The following MYCT1 variants were observed in gnomAD, a reference collection of about 807,000 sequenced individuals.
The protein encoded by MYCT1 is MYC target 1, also known as myc target protein 1.
MYCT1 carries 12 observed loss-of-function variants against 15.0 expected under a neutral mutation model. The ratio of observed to expected loss-of-function variants is 0.80; its 90% CI spans 0.51 to 1.29. The LOEUF (loss-of-function observed/expected upper bound fraction) is 1.29, where lower values mean the gene tolerates loss of function less well. MYCT1 is among the 50% of genes most tolerant of loss of function. MYCT1 has a pLI of 0.00. For synonymous variants in MYCT1, 104 were observed against 102.7 expected (o/e 1.01, Z -0.07); for missense variants, 287 against 279.1 (o/e 1.03, Z -0.20).
At chr6:152,707,063 A>C (rs2099722411) in intron 1 of MYCT1, among the ~76,000 whole-genome samples, 2 of 151,970 alleles carry the variant, frequency 1.3e-5, no homozygotes, top group South Asian at 4.1e-4. Flanking sequence ...TTCTATTTTT[A>C]ATTTTTGAGG....
chr6:152,730,977 A>C, the MYCT1 span, among the ~76,000 whole-genome samples: 1 of 152,234 alleles, frequency 6.6e-6, no homozygotes, highest in Non-Finnish European at 1.5e-5. Flanking sequence ...CAGGTTATAC[A>C]ACAAATGGTA....
chr6:152,744,317 C>G, the MYCT1 span, among the ~76,000 whole-genome samples: 1 of 152,164 alleles, frequency 6.6e-6, no homozygotes, highest in African/African-American at 2.4e-5. Flanking sequence ...AAGAGTTCTT[C>G]CAACTCAAAT....
At chr6:152,744,395 G>C in the MYCT1 span, among the ~76,000 whole-genome samples, 2 of 151,994 alleles carry the variant, frequency 1.3e-5, no homozygotes, top group Non-Finnish European at 2.9e-5. Context: ...TTAAATATTG[G>C]GTGTGGGAAT....
chr6:152,713,414 T>C (rs1300143456), intron 1 of MYCT1, among the ~76,000 whole-genome samples: 1 of 152,154 alleles, frequency 6.6e-6, no homozygotes, highest in Non-Finnish European at 1.5e-5. Flanking sequence ...TCTTTTCTCT[T>C]AAGAATGGAT....
At chr6:152,707,511 C>G (rs2099722495) in intron 1 of MYCT1, among the ~76,000 whole-genome samples, 1 of 151,972 alleles carries the variant, frequency 6.6e-6, no homozygotes, top group Admixed American at 6.6e-5. Context: ...TAGTTTGACA[C>G]AATTCTACTT....
the MYCT1 span, among the ~76,000 whole-genome samples, chr6:152,741,947 T>C: frequency 5.3e-5 from 8 of 152,310 alleles, no homozygotes; most frequent in African/African-American, 1.7e-4. Context: ...GTATTGAACA[T>C]TGGACCCAAA....
chr6:152,705,259 C>G (rs1011070600), intron 1 of MYCT1, among the ~76,000 whole-genome samples: 2 of 152,120 alleles, frequency 1.3e-5, no homozygotes, highest in African/African-American at 4.8e-5. Context: ...TACAGTTGAG[C>G]AAAATCATCT....
the MYCT1 span, among the ~76,000 whole-genome samples, chr6:152,733,362 CA>C: frequency 6.6e-6 from 1 of 151,966 alleles, no homozygotes; most frequent in African/African-American, 2.4e-5. Flanking sequence ...CTTGGCCTCC[CA>C]AAATGCTGGG....
At chr6:152,705,391 T>G (rs531291412) in intron 1 of MYCT1, among the ~76,000 whole-genome samples, 12 of 152,292 alleles carry the variant, frequency 7.9e-5, no homozygotes, top group African/African-American at 2.4e-4. Context: ...ACTGAATGCT[T>G]ATGGCTTTTG....
chr6:152,726,061 A>G (rs2099725595), downstream of MYCT1, among the ~76,000 whole-genome samples: 1 of 152,116 alleles, frequency 6.6e-6, no homozygotes, highest in Non-Finnish European at 1.5e-5. Context: ...ATATCTTTTT[A>G]CAATGTTACA....
chr6:152,717,491 T>C (rs2099723895), intron 1 of MYCT1, among the ~76,000 whole-genome samples: 2 of 152,088 alleles, frequency 1.3e-5, no homozygotes, highest in South Asian at 4.1e-4. Context: ...AATTGAATCA[T>C]GGGGGCAGGA....
At chr6:152,746,122 A>G in the MYCT1 span, among the ~76,000 whole-genome samples, 1 of 152,218 alleles carries the variant, frequency 6.6e-6, no homozygotes, top group Non-Finnish European at 1.5e-5. Flanking sequence ...TCTTCATTCT[A>G]ACATCTAGAC....
chr6:152,703,945 A>T (rs1385315431), intron 1 of MYCT1, among the ~76,000 whole-genome samples: 1 of 30,562 alleles, frequency 3.3e-5, no homozygotes, highest in Non-Finnish European at 1.2e-4. Context: ...CCTGTTTTTT[A>T]TTTTATTTTA....
In MYCT1 at chr6:152,722,379, G is replaced by T. The variant is rs751023222; in HGVS notation, c.*126G>T. The T allele has an allele frequency of 5.5e-6, 5 of 905,014 alleles. No homozygotes were observed. In the East Asian group the frequency reaches 1.3e-4, roughly 23 times the overall value. 56.1% of individuals were successfully genotyped at this position (905,014 alleles called of 1,614,324 possible). On this transcript the variant is annotated 3_prime_UTR_variant, in exon 2 of 2. Transcript: ENST00000367245. ...CTCATGAGTTCCAAGTTGAAACATG[G>T]TTGTGCAAGTTGGACATTACAATGT...
intron 1 of MYCT1, among the ~76,000 whole-genome samples, chr6:152,701,404 G>A (rs1244925820): frequency 6.6e-6 from 1 of 152,206 alleles, no homozygotes; most frequent in Non-Finnish European, 1.5e-5. Flanking sequence ...GTGTGTGGTC[G>A]TTTCAGGGAC....
At chr6:152,728,836 G>A (rs947234697), downstream of MYCT1, among the ~76,000 whole-genome samples, 2 of 152,174 alleles carry the variant, frequency 1.3e-5, no homozygotes, top group African/African-American at 4.8e-5. Flanking sequence ...AGCCCAGGGG[G>A]TTGAGGCTTC....
At chr6:152,729,366 G>A (rs1407544106), downstream of MYCT1, among the ~76,000 whole-genome samples, 3 of 151,464 alleles carry the variant, frequency 2.0e-5, no homozygotes, top group African/African-American at 7.3e-5. Context: ...TATAAGCCCT[G>A]CTATTTTTAG....
At chr6:152,739,892 G>T in the MYCT1 span, among the ~76,000 whole-genome samples, 1 of 151,798 alleles carries the variant, frequency 6.6e-6, no homozygotes, top group African/African-American at 2.4e-5. Context: ...AATCCAATTG[G>T]CTGTTCATTT....
chr6:152,746,858 ACT>A, the MYCT1 span, among the ~76,000 whole-genome samples: 1 of 152,196 alleles, frequency 6.6e-6, no homozygotes, highest in East Asian at 1.9e-4. Context: ...TTTTCTCTAA[ACT>A]CAGCATCAGT....
Sources: gnomAD v4.1 joint callset for allele counts (sites outside exome capture counted in the v4.1 genomes callset) on GRCh38, gnomAD v4.1.1 for gene constraint, MANE v1.5 for transcripts, NCBI Gene and HGNC (gene_info 2026-07-23, HGNC 2026-07-21) for gene names.